Variants in ARRDC5 observed in about 807,000 individuals in gnomAD.
ARRDC5 encodes arrestin domain containing 5.
ARRDC5 carries 12 observed loss-of-function variants against 13.3 expected under a neutral mutation model. That is an observed-to-expected ratio of 0.90 (90% CI 0.58 to 1.46). The LOEUF (loss-of-function observed/expected upper bound fraction) is 1.46. Among genes scored for constraint, ARRDC5 ranks in the 40% most tolerant of loss-of-function variants. ARRDC5 has a pLI of 0.00. For synonymous variants in ARRDC5, 181 were observed against 173.4 expected (o/e 1.04, Z -0.34); for missense variants, 406 against 418.7 (o/e 0.97, Z 0.26).
intron 2 of ARRDC5, among the ~76,000 whole-genome samples, chr19:4,894,335 C>A (rs1188403966): frequency 6.6e-6 from 1 of 150,786 alleles, no homozygotes; most frequent in Non-Finnish European, 1.5e-5. Context: ...AACGGTGAAA[C>A]CCCGTCTCTA....
chr19:4,902,864 C>G lies in ARRDC5; in HGVS notation c.-39G>C, dbSNP rs1368226717. On this transcript the variant is annotated 5_prime_UTR_variant, in exon 1 of 3. Transcript: ENST00000650722. ...GTAGAGAGACATTCCTCTCTGTCCCCCATGTCCCTGAAATTCCCGGTTCGT... is the reference window on the plus strand; with the variant it reads ...GTAGAGAGACATTCCTCTCTGTCCCGCATGTCCCTGAAATTCCCGGTTCGT... 6.2e-7 allele frequency: 1 copy of G among 1,612,510 alleles called. No homozygotes were observed. Among genetic ancestry groups the G allele is most frequent in the East Asian group, 2.2e-5 (1 of 44,858 alleles).
upstream of ARRDC5, chr19:4,903,168 G>A (rs11672152): frequency 0.083 from 22,578 of 273,434 alleles, 1,145 homozygotes; most frequent in Admixed American, 0.19. Flanking sequence ...CTGGGACCAC[G>A]GGTGCATGCC....
rs769878777 is a variant in ARRDC5 at position 4,891,119 on chromosome 19, G to T, written c.914C>A (p.Ala305Asp). The T allele has an allele frequency of 6.2e-7, 1 of 1,613,978 alleles. No homozygotes were observed. The highest frequency in any genetic ancestry group is 1.7e-5 in the Admixed American group (1 of 60,006). The change falls in exon 3 of 3, where the codon GCC becomes GAC. Residue 305 changes from alanine to aspartate, a missense_variant. Coordinates refer to ENST00000650722, the MANE Select transcript of ARRDC5 (RefSeq NM_001080523.3). Reference sequence around the variant, plus strand: ...CTGGCAGATGGCAGAGTCCACTGAGGCGCTGGTGATGATGATGGGAACTTT... The same window carrying T: ...CTGGCAGATGGCAGAGTCCACTGAGTCGCTGGTGATGATGATGGGAACTTT... ...KAKVPIIITS[A>D]SVDSAICQLS...
chr19:4,906,190 G>A (rs372233403), upstream of ARRDC5, among the ~76,000 whole-genome samples: 5 of 152,190 alleles, frequency 3.3e-5, no homozygotes, highest in African/African-American at 1.2e-4. Flanking sequence ...CGTTGCCCAA[G>A]CTGGTCTCAA....
At chr19:4,913,499 C>T in the ARRDC5 span, among the ~76,000 whole-genome samples, 1 of 152,066 alleles carries the variant, frequency 6.6e-6, no homozygotes, top group African/African-American at 2.4e-5. Context: ...AGGTGATCCA[C>T]CTACCTCCGT....
the ARRDC5 span, among the ~76,000 whole-genome samples, chr19:4,914,972 C>G: frequency 6.6e-6 from 1 of 152,238 alleles, no homozygotes; most frequent in Admixed American, 6.5e-5. Context: ...AGGTCATCCT[C>G]TGGCTGGGAC....
intron 2 of ARRDC5, among the ~76,000 whole-genome samples, chr19:4,894,871 T>C (rs1452516982): frequency 6.6e-6 from 1 of 152,100 alleles, no homozygotes; most frequent in Non-Finnish European, 1.5e-5. Context: ...GCCTCTGGCT[T>C]CTCTTCAGCC....
At chr19:4,914,105 T>C in the ARRDC5 span, among the ~76,000 whole-genome samples, 57,225 of 151,732 alleles carry the variant, frequency 0.38, 11,170 homozygotes, top group African/African-American at 0.49. Flanking sequence ...GGATTAGAGG[T>C]GTGAACCGTC....
the ARRDC5 span, chr19:4,909,714 C>T: frequency 6.1e-6 from 3 of 495,014 alleles, no homozygotes; most frequent in Admixed American, 8.7e-5. Context: ...GGCTCGGGAA[C>T]TTTGCAAAAC....
the ARRDC5 span, chr19:4,909,426 G>A: frequency 3.4e-5 from 22 of 651,060 alleles, no homozygotes; most frequent in Non-Finnish European, 1.7e-5. Context: ...CAATCAGGAG[G>A]CAGGCGCCCG....
rs543324281 is a variant in ARRDC5, at chr19:4,891,182, G to T, written c.851C>A (p.Thr284Asn). Residue 284 changes from threonine (T) to asparagine (N), a missense_variant, in exon 3 of 3, where the codon ACC becomes AAC. By Grantham distance (65) the Thr-to-Asn change is moderately conservative (BLOSUM62 0). Transcript: ENST00000650722. Reference sequence around the variant, plus strand: ...GGTCAGGGACCAGGGCAGGTGCACGGTGGTGACCAGCTCGTAGCGAGTGTG... The same window carrying T: ...GGTCAGGGACCAGGGCAGGTGCACGTTGGTGACCAGCTCGTAGCGAGTGTG... ...IMHTRYELVT[T>N]VHLPWSLTSL... 1 of 1,614,000 alleles carries T rather than the reference G, an allele frequency of 6.2e-7. No homozygotes were observed. Among genetic ancestry groups the T allele is most frequent in the South Asian group, 1.1e-5 (1 of 91,082 alleles).
At chr19:4,894,699 G>C (rs1191901955) in intron 2 of ARRDC5, among the ~76,000 whole-genome samples, 1 of 133,802 alleles carries the variant, frequency 7.5e-6, no homozygotes, top group Non-Finnish European at 1.6e-5. Context: ...AAAAAAAGAA[G>C]AAGAAGGAGA....
chr19:4,895,824 C>T (rs894956389), intron 2 of ARRDC5, among the ~76,000 whole-genome samples: 1 of 152,228 alleles, frequency 6.6e-6, no homozygotes, highest in African/African-American at 2.4e-5. Flanking sequence ...ACATTTGGGC[C>T]ATTCTCCTGG....
chr19:4,899,322 T>A (rs1349549229), intron 1 of ARRDC5, among the ~76,000 whole-genome samples: 1 of 144,736 alleles, frequency 6.9e-6, no homozygotes, highest in Non-Finnish European at 1.5e-5. Flanking sequence ...AAAAAAAAAA[T>A]GTTTATTAAA....
At chr19:4,909,479 G>A in the ARRDC5 span, 5 of 652,716 alleles carry the variant, frequency 7.7e-6, no homozygotes, top group Admixed American at 4.6e-5. Flanking sequence ...CCCAAATGCC[G>A]AGTTTTCGCG....
Position 4,890,991 on chromosome 19 carries a change from G to A in ARRDC5, c.*55C>T. The A allele has an allele frequency of 6.8e-7, 1 of 1,470,226 alleles. No homozygotes were observed. The highest frequency in any genetic ancestry group is 9.2e-7 in the Non-Finnish European group (1 of 1,085,288). 91.1% of individuals were successfully genotyped at this position (1,470,226 alleles called of 1,614,324 possible). A position where few individuals can be genotyped will look rare whatever the true frequency, so the allele number is the denominator to read the frequency against. ...CTGAGAGTCACCTGTGCAAGAGAGA[G>A]GGCTTCCTCCTGGTAGAGACTAATA... On this transcript the variant is annotated 3_prime_UTR_variant, in exon 3 of 3. Coordinates refer to ENST00000650722, the MANE Select transcript of ARRDC5 (RefSeq NM_001080523.3).
At position 4,891,378 on chromosome 19, in the gene ARRDC5, C is replaced by T. The variant is rs372235175; in HGVS notation, c.655G>A (p.Glu219Lys). The T allele has an allele frequency of 9.9e-6, 16 of 1,613,410 alleles. No individual in the cohort carries two copies. Among genetic ancestry groups the T allele is most frequent in the South Asian group, 9.9e-5 (9 of 91,090 alleles). The change falls in exon 3 of 3, where the codon GAG (glutamate) becomes AAG (lysine). Residue 219 changes from glutamate (E) to lysine (K), a missense_variant. Coordinates refer to ENST00000650722, the MANE Select transcript of ARRDC5 (RefSeq NM_001080523.3). ...VFALYAHIQY[E>K]GFTPSAERRS... ...CGCTCTGCACTGGGCGTGAAGCCCT[C>T]GTACTGTATGTGGGCATACAGGGCG...
In ARRDC5 at chr19:4,902,715, G is replaced by T. The variant is rs761328009; in HGVS notation, c.111C>A (p.Asp37Glu). ...VILTLNSTLV[D>E]PIVKVELVGR... Reference sequence around the variant, plus strand: ...CCACGAGCTCCACCTTCACTATGGGGTCCACCAGGGTGCTGTTCAGGGTTA... The same window carrying T: ...CCACGAGCTCCACCTTCACTATGGGTTCCACCAGGGTGCTGTTCAGGGTTA... The change falls in exon 1 of 3, where the codon GAC becomes GAA. Residue 37 changes from aspartate to glutamate, a missense_variant. By Grantham distance (45) the Asp-to-Glu change is conservative. Transcript: ENST00000650722. 6.8e-6 allele frequency: 11 copies of T among 1,613,902 alleles called. No homozygotes were observed. Among genetic ancestry groups the T allele is most frequent in the Non-Finnish European group, 7.6e-6 (9 of 1,179,920 alleles).
intron 2 of ARRDC5, among the ~76,000 whole-genome samples, chr19:4,892,781 T>C (rs1336213436): frequency 6.6e-6 from 1 of 152,070 alleles, no homozygotes; most frequent in African/African-American, 2.4e-5. Context: ...ACCTGCTAAA[T>C]TGATTTTTTG....
Sources: gnomAD v4.1 joint callset for allele counts (sites outside exome capture counted in the v4.1 genomes callset) on GRCh38, gnomAD v4.1.1 for gene constraint, MANE v1.5 for transcripts, NCBI Gene and HGNC (gene_info 2026-07-23, HGNC 2026-07-21) for gene names.